The following CALN1 variants were observed in gnomAD, a reference collection of about 807,000 sequenced individuals.
The protein encoded by CALN1 is calneuron 1.
CALN1 carries 17 observed loss-of-function variants against 30.6 expected under a neutral mutation model. The observed-to-expected ratio is 0.56, with a 90% CI of 0.38 to 0.83. The LOEUF is 0.83. CALN1 is among the 40% of genes least tolerant of loss of function. CALN1 has a pLI of 0.00. For synonymous variants in CALN1, 156 were observed against 131.4 expected (o/e 1.19, Z -1.28); for missense variants, 291 against 354.9 (o/e 0.82, Z 1.45).
At chr7:71,844,952 T>C (rs1005451744) in intron 5 of CALN1, among the ~76,000 whole-genome samples, 1 of 152,180 alleles carries the variant, frequency 6.6e-6, no homozygotes, top group African/African-American at 2.4e-5. Context: ...TACCGTGGCA[T>C]GATCTTGGCT....
intron 2 of CALN1, among the ~76,000 whole-genome samples, chr7:72,352,252 G>T (rs1802962836): frequency 1.3e-5 from 2 of 152,180 alleles, no homozygotes; most frequent in African/African-American, 4.8e-5. Context: ...AGCCAGGCGT[G>T]GTGGCACATG....
intron 3 of CALN1, among the ~76,000 whole-genome samples, chr7:72,233,206 AAAG>A (rs1794231898): frequency 6.6e-6 from 1 of 151,924 alleles, no homozygotes; most frequent in Non-Finnish European, 1.5e-5. Context: ...AAAAAAAAAA[AAAG>A]AAGGCACTGT....
intron 3 of CALN1, among the ~76,000 whole-genome samples, chr7:72,247,608 CA>C (rs1390259268): frequency 1.3e-5 from 2 of 152,116 alleles, no homozygotes; most frequent in African/African-American, 4.8e-5. Context: ...GCCCACTTTA[CA>C]GAAGTGGTAA....
chr7:72,416,636 G>C (rs545748103), upstream of CALN1, among the ~76,000 whole-genome samples: 1 of 146,190 alleles, frequency 6.8e-6, no homozygotes, highest in Admixed American at 7.0e-5. Flanking sequence ...TCAAGAGACT[G>C]AGGCAAGAGA....
At chr7:71,889,556 C>T (rs1480997486) in intron 5 of CALN1, among the ~76,000 whole-genome samples, 1 of 152,166 alleles carries the variant, frequency 6.6e-6, no homozygotes, top group Admixed American at 6.5e-5. Flanking sequence ...AAGGCCCCGC[C>T]TCCAAATCAT....
intron 6 of CALN1, among the ~76,000 whole-genome samples, chr7:71,793,072 A>C (rs1786672220): frequency 6.6e-6 from 1 of 152,074 alleles, no homozygotes; most frequent in African/African-American, 2.4e-5. Context: ...TGGGAGGCTG[A>C]GGTGGGTGGA....
chr7:72,420,313 A>G (rs1419793294), intron 1 of CALN1, among the ~76,000 whole-genome samples: 4 of 152,164 alleles, frequency 2.6e-5, no homozygotes, highest in Non-Finnish European at 4.4e-5. Flanking sequence ...GGAGCCCAGC[A>G]TGAAATAACT....
the CALN1 span, among the ~76,000 whole-genome samples, chr7:72,476,826 T>G: frequency 8.5e-5 from 13 of 152,242 alleles, no homozygotes; most frequent in Non-Finnish European, 1.6e-4. Context: ...CAGAGTCCCC[T>G]GCTGGAGATC....
chr7:71,933,340 ACTGCCTCCTCAAGC>A (rs796977358), intron 5 of CALN1, among the ~76,000 whole-genome samples: 45 of 152,302 alleles, frequency 3.0e-4, no homozygotes, highest in African/African-American at 1.0e-3. Context: ...TAAAGAAGAC[ACTGCCTCCTCAAGC>A]CTGCTTATAA....
At chr7:72,117,138 C>T (rs985269353) in intron 3 of CALN1, among the ~76,000 whole-genome samples, 2 of 152,030 alleles carry the variant, frequency 1.3e-5, no homozygotes, top group African/African-American at 4.8e-5. Flanking sequence ...CATAGTGAGA[C>T]CCCATCTCTA....
chr7:72,420,789 T>A (rs1030856656), intron 1 of CALN1, among the ~76,000 whole-genome samples: 2 of 151,788 alleles, frequency 1.3e-5, no homozygotes, highest in Non-Finnish European at 2.9e-5. Context: ...CCGGCTAATT[T>A]TTTGTATTTT....
At chr7:71,944,069 A>C (rs1231568260) in intron 5 of CALN1, among the ~76,000 whole-genome samples, 7 of 152,166 alleles carry the variant, frequency 4.6e-5, no homozygotes, top group African/African-American at 1.7e-4. Context: ...CCAGGTTATG[A>C]ATCTAGTCAC....
chr7:71,796,815 G>C (rs1046438315), intron 6 of CALN1, among the ~76,000 whole-genome samples: 3 of 152,186 alleles, frequency 2.0e-5, no homozygotes, highest in Admixed American at 1.3e-4. Flanking sequence ...TGAAACGTGA[G>C]TTGAGGAGGC....
At chr7:72,465,625 T>C in the CALN1 span, among the ~76,000 whole-genome samples, 5 of 152,026 alleles carry the variant, frequency 3.3e-5, no homozygotes, top group Non-Finnish European at 5.9e-5. Context: ...ACAGTCAAAA[T>C]TGGGAAAGAG....
intron 2 of CALN1, among the ~76,000 whole-genome samples, chr7:72,332,114 A>T (rs1285187127): frequency 1.3e-5 from 2 of 152,114 alleles, no homozygotes; most frequent in Non-Finnish European, 2.9e-5. Flanking sequence ...TGGGCATGTA[A>T]GATGATTCCA....
At chr7:72,249,959 AAGAGAGAGAGAG>A (rs1554337553) in intron 3 of CALN1, among the ~76,000 whole-genome samples, 1 of 147,668 alleles carries the variant, frequency 6.8e-6, no homozygotes, top group Non-Finnish European at 1.5e-5. Context: ...AAAAAAAAAA[AAGAGAGAGAGAG>A]AGAGAGAGAA....
chr7:72,464,916 A>T, the CALN1 span, among the ~76,000 whole-genome samples: 397 of 152,318 alleles, frequency 2.6e-3, 1 homozygote, highest in African/African-American at 9.2e-3. Context: ...AATCAGAGGC[A>T]GTGCCACCTA....
At chr7:72,354,898 T>C (rs993207340) in intron 2 of CALN1, among the ~76,000 whole-genome samples, 17 of 144,032 alleles carry the variant, frequency 1.2e-4, no homozygotes, top group South Asian at 2.2e-4. Context: ...TCTTTTTTTT[T>C]TTCTTTTCTT....
chr7:72,439,872 G>A (rs555737280), intron 1 of CALN1, among the ~76,000 whole-genome samples: 5 of 152,072 alleles, frequency 3.3e-5, no homozygotes, highest in Non-Finnish European at 7.4e-5. Context: ...CCACTGTGCC[G>A]GGCCTCTCCT....
Sources: gnomAD v4.1 joint callset for allele counts (sites outside exome capture counted in the v4.1 genomes callset) on GRCh38, gnomAD v4.1.1 for gene constraint, MANE v1.5 for transcripts, NCBI Gene and HGNC (gene_info 2026-07-23, HGNC 2026-07-21) for gene names.